Variants in TYK2 observed in about 807,000 individuals in gnomAD.
TYK2 encodes tyrosine kinase 2, also known as non-receptor tyrosine-protein kinase TYK2.
Under a neutral mutation model 130.9 loss-of-function variants are expected in TYK2, and 65 were observed. The ratio of observed to expected loss-of-function variants is 0.50; its 90% CI spans 0.41 to 0.61. The LOEUF is 0.61. Among genes scored for constraint, TYK2 ranks in the 20% least tolerant of loss-of-function variants. The pLI is 0.00. For synonymous variants in TYK2, 647 were observed against 658.9 expected (o/e 0.98, Z 0.28); for missense variants, 1,378 against 1,610.7 (o/e 0.86, Z 2.47).
Position 10,364,512 on chromosome 19 carries a change from AT to A in TYK2, c.1367+101del. 7.3e-7 allele frequency: 1 copy of A among 1,360,598 alleles called. No individual in the cohort carries two copies. The highest frequency in any genetic ancestry group is 1.0e-6 in the Non-Finnish European group (1 of 980,682). The allele number at this position is 1,360,598 out of a possible 1,614,324, so 84.3% of individuals were successfully genotyped here. ...TTGGGCGACAAAAAATAAAAAAAAA[AT>A]AAGACGTGCACCTACACACACACCC... On this transcript the variant is annotated intron_variant, in intron 9 of 24. Coordinates refer to ENST00000525621, the MANE Select transcript of TYK2 (RefSeq NM_003331.5). This position sits in a 1 kb window ranked among gnomAD's most constrained non-coding sequence, Gnocchi z 4.9.
intron 9 of TYK2, among the ~76,000 whole-genome samples, chr19:10,363,555 A>G (rs2041512249): frequency 2.0e-5 from 3 of 152,112 alleles, no homozygotes; most frequent in Admixed American, 2.0e-4. Context: ...AACAGCCATC[A>G]GGAGCCGGAT....
intron 18 of TYK2, 95 bp downstream of exon 18, chr19:10,356,473 C>A (rs892665810): frequency 3.5e-5 from 54 of 1,521,624 alleles, no homozygotes; most frequent in Non-Finnish European, 4.8e-5. Flanking sequence ...CACCCTGAAC[C>A]ACTGTGCAGA....
chr19:10,360,019 G>GA (rs529866271), intron 14 of TYK2, among the ~76,000 whole-genome samples: 97 of 133,756 alleles, frequency 7.3e-4, no homozygotes, highest in Middle Eastern at 8.0e-3. Context: ...TCAAAAAGAA[G>GA]AAAAAAAAAA....
At chr19:10,352,331 C>T (rs1047155492) in intron 23 of TYK2, 103 bp downstream of exon 23, 2 of 825,404 alleles carry the variant, frequency 2.4e-6, no homozygotes, top group Non-Finnish European at 4.3e-6. Context: ...CTCGGCCTCC[C>T]AAAGTGCTGG....
chr19:10,365,236 C>T (rs2041605269), intron 7 of TYK2, among the ~76,000 whole-genome samples, 188 bp from the exon 8 acceptor site: 2 of 152,192 alleles, frequency 1.3e-5, no homozygotes, highest in Non-Finnish European at 2.9e-5. Flanking sequence ...AAGCCGGACC[C>T]TTAGGGAAGG....
chr19:10,359,705 C>A (rs981538912), intron 14 of TYK2, among the ~76,000 whole-genome samples: 4 of 151,532 alleles, frequency 2.6e-5, no homozygotes, highest in African/African-American at 9.7e-5. Flanking sequence ...TACAGCCGGG[C>A]GCGGTGGCTC....
rs754356503 is a variant in TYK2 at position 10,364,593 on chromosome 19, C to A, written c.1367+21G>T. 1 of 1,613,218 alleles carries A rather than the reference C, an allele frequency of 6.2e-7. No homozygotes were observed. The highest frequency in any genetic ancestry group is 1.1e-5 in the South Asian group (1 of 91,072). On this transcript the variant is annotated intron_variant, in intron 9 of 24. Coordinates refer to ENST00000525621, the MANE Select transcript of TYK2 (RefSeq NM_003331.5). This position sits in a 1 kb window ranked among gnomAD's most constrained non-coding sequence, Gnocchi z 4.9. ...TGGCACCCTTGGCGGTGGCCCCCAG[C>A]GCCCCCCACCCAGCACTCACAGCAG...
chr19:10,368,668 C>G lies in TYK2; in HGVS notation c.194-250G>C, dbSNP rs936604613. The G allele has an allele frequency of 2.0e-5, 10 of 500,966 alleles. No homozygotes were observed. The Admixed American group carries it at 3.3e-4, about 16-fold the overall frequency. The allele number at this position is 500,966 out of a possible 1,614,324, so 31.0% of individuals were successfully genotyped here. A position where few individuals can be genotyped will look rare whatever the true frequency, so the allele number is the denominator to read the frequency against. On this transcript the variant is annotated intron_variant, in intron 3 of 24. Transcript: ENST00000525621. ...GCCAATTGCACTGCTGGTTTCTGGC[C>G]AAAGGGCTGGGTACATTTCCAAGCC...
Position 10,366,527 on chromosome 19 carries a change from C to T in TYK2, c.519G>A (p.Glu173=). Residue 173 remains glutamate, a synonymous_variant, in exon 6 of 25, where the codon GAG becomes GAA. Transcript: ENST00000525621. ...CATTCTTAAAGTGGTGGATCTCCTC[C>T]TCGGTCGACAGCTCCCACAGTGATG... is the stretch of plus-strand genomic sequence containing the variant. The part of the protein sequence containing the change: ...DVASLWELST[E]EEIHHFKNES... 2 of 1,613,976 alleles carry T rather than the reference C, an allele frequency of 1.2e-6. No homozygotes were observed. Among genetic ancestry groups the T allele is most frequent in the Non-Finnish European group, 1.7e-6 (2 of 1,179,986 alleles).
rs2041556707 is a variant in TYK2 at position 10,364,514 on chromosome 19, A to T, written c.1367+100T>A. 1 of 1,365,408 alleles carries T rather than the reference A, an allele frequency of 7.3e-7. No homozygotes were observed. Among genetic ancestry groups the T allele is most frequent in the Admixed American group, 2.0e-5 (1 of 50,150 alleles). 84.6% of individuals were successfully genotyped at this position (1,365,408 alleles called of 1,614,324 possible). A position where few individuals can be genotyped will look rare whatever the true frequency, so the allele number is the denominator to read the frequency against. ...GGGCGACAAAAAATAAAAAAAAAAT[A>T]AGACGTGCACCTACACACACACCCT... On this transcript the variant is annotated intron_variant, in intron 9 of 24. Transcript: ENST00000525621. This position sits in a 1 kb window ranked among gnomAD's most constrained non-coding sequence, Gnocchi z 4.9.
At position 10,352,520 on chromosome 19, in the gene TYK2, A is replaced by C; in HGVS notation, c.3232T>G (p.Phe1078Val). 1 of 1,577,632 alleles carries C rather than the reference A, an allele frequency of 6.3e-7. No homozygotes were observed. Among genetic ancestry groups the C allele is most frequent in the Non-Finnish European group, 8.6e-7 (1 of 1,158,698 alleles). ...YAPECLKEYK[F>V]YYASDVWSFG... ...GACCAGACATCTGACGCATAGTAGA[A>C]CTTATACTCCTTCAGGCACTCTGGG... Residue 1078 changes from phenylalanine (F) to valine (V), a missense_variant, in exon 23 of 25, where the codon TTC becomes GTC. Phe to Val is a conservative substitution (Grantham distance 50). Transcript: ENST00000525621.
chr19:10,356,052 C>G (rs1236307739), intron 18 of TYK2, among the ~76,000 whole-genome samples: 1 of 151,722 alleles, frequency 6.6e-6, no homozygotes, highest in Non-Finnish European at 1.5e-5. Context: ...GTCTAATTCT[C>G]TAATCCAAAG....
chr19:10,365,781 T>G lies in TYK2; in HGVS notation c.747A>C (p.Arg249=). 1 of 1,611,976 alleles carries G rather than the reference T, an allele frequency of 6.2e-7. No individual in the cohort carries two copies. The highest frequency in any genetic ancestry group is 1.1e-5 in the South Asian group (1 of 91,004). Residue 249 remains arginine, a synonymous_variant, in exon 7 of 25, where the codon CGA becomes CGC. Transcript: ENST00000525621. ...TGACCATGACCATCTGCTGGGAGAG[T>G]CGGCCCGGCTGGAAGTCCCGCAGGA... The part of the protein sequence containing the change: ...RRFLRDFQPG[R]LSQQMVMVKY...
At position 10,366,624 on chromosome 19, in the gene TYK2, T is replaced by C. The variant is rs761862122; in HGVS notation, c.466-44A>G. The C allele has an allele frequency of 3.1e-6, 5 of 1,611,896 alleles. No individual in the cohort carries two copies. In the South Asian group the frequency reaches 5.5e-5, roughly 18 times the overall value. On this transcript the variant is annotated intron_variant, in intron 5 of 24. Transcript: ENST00000525621. ...GCAGAAAGGGAGGTGTGAGAATGCG[T>C]TCCTCTCTAGCCCAGAGGTATCCAA... is the stretch of plus-strand genomic sequence containing the variant.
At chr19:10,351,941 T>C (rs2040825149) in intron 23 of TYK2, among the ~76,000 whole-genome samples, 1 of 151,296 alleles carries the variant, frequency 6.6e-6, no homozygotes, top group South Asian at 2.1e-4. Context: ...GGTTTCACCA[T>C]GTTGGCCAGG....
chr19:10,368,010 C>T (rs752882716), intron 5 of TYK2, 45 bp downstream of exon 5: 9 of 1,612,564 alleles, frequency 5.6e-6, no homozygotes, highest in African/African-American at 1.3e-5. Context: ...TCAACTGCCC[C>T]TAAGTCTCCC....
Position 10,354,174 on chromosome 19 carries a change from T to C in TYK2, c.2776A>G (p.Met926Val). ...YDPTNDGTGE[M>V]VAVKALKADC... ...GCCTTGAGGGCTTTCACCGCCACCA[T>C]CTCGCCAGTGCCGTCGTTGGTCGGA... Residue 926 changes from methionine (M) to valine (V), a missense_variant, in exon 20 of 25, where the codon ATG becomes GTG. Transcript: ENST00000525621. 6.2e-7 allele frequency: 1 copy of C among 1,613,896 alleles called. No homozygotes were observed. The highest frequency in any genetic ancestry group is 8.5e-7 in the Non-Finnish European group (1 of 1,180,022).
chr19:10,354,479 C>A, intron 19 of TYK2, 33 bp downstream of exon 19: 1 of 1,592,652 alleles, frequency 6.3e-7, no homozygotes, highest in South Asian at 1.1e-5. Context: ...CCCGACCAGG[C>A]GGGCCTTTTA....
Position 10,352,449 on chromosome 19 carries a change from G to A in TYK2, c.3303C>T (p.Ser1101=). 6.2e-7 allele frequency: 1 copy of A among 1,609,954 alleles called. No individual in the cohort carries two copies. The highest frequency in any genetic ancestry group is 1.1e-5 in the South Asian group (1 of 90,744). ...LYELLTHCDS[S]QSPPTKFLEL... ...TGGCTCTCACCGTGGGGGGGCTCTGGCTGGAGTCACAGTGCGTCAGCAGCT... is the reference window on the plus strand; with the variant it reads ...TGGCTCTCACCGTGGGGGGGCTCTGACTGGAGTCACAGTGCGTCAGCAGCT... Residue 1101 remains serine (S), a synonymous_variant, in exon 23 of 25, where the codon AGC becomes AGT. Coordinates refer to ENST00000525621, the MANE Select transcript of TYK2 (RefSeq NM_003331.5).
Sources: gnomAD v4.1 joint callset for allele counts (sites outside exome capture counted in the v4.1 genomes callset) on GRCh38, gnomAD v4.1.1 for gene constraint, Gnocchi (gnomAD v3.1) non-coding constraint, MANE v1.5 for transcripts, NCBI Gene and HGNC (gene_info 2026-07-23, HGNC 2026-07-21) for gene names.